Variants in PLCB1 observed in about 807,000 individuals in gnomAD.
PLCB1 encodes the protein phospholipase C beta 1.
Under a neutral mutation model 161.8 loss-of-function variants are expected in PLCB1, and 46 were observed. That is an observed-to-expected ratio of 0.28 (90% CI 0.22 to 0.36). The LOEUF (loss-of-function observed/expected upper bound fraction) is 0.36. Among genes scored for constraint, PLCB1 ranks in the 10% least tolerant of loss-of-function variants. The probability of loss-of-function intolerance (pLI) is 1.00; values close to 1 mark genes in which losing one functional copy is unlikely to be tolerated. For missense variants in PLCB1, 1,016 were observed against 1,472.5 expected, an observed-to-expected ratio of 0.69 and a Z score of 5.07; for synonymous variants, 517 against 503.7, an observed-to-expected ratio of 1.03 and a Z score of -0.35.
intron 3 of PLCB1, among the ~76,000 whole-genome samples, chr20:8,518,827 T>C (rs1722035216): frequency 6.6e-6 from 1 of 151,916 alleles, no homozygotes; most frequent in South Asian, 2.1e-4. Context: ...CCTAAGCTTG[T>C]TTTCCTGCAA....
At chr20:8,699,750 T>A (rs1990657666) in intron 11 of PLCB1, among the ~76,000 whole-genome samples, 1 of 152,216 alleles carries the variant, frequency 6.6e-6, no homozygotes, top group Non-Finnish European at 1.5e-5. Context: ...CATTCACACC[T>A]AAAAATATGT....
In PLCB1 at chr20:8,717,775, G is replaced by A; in HGVS notation, c.1440G>A (p.Lys480=). Residue 480 remains lysine (K), a synonymous_variant, in exon 14 of 32, where the codon AAG becomes AAA. Transcript: ENST00000338037. ...AGTCATCAGAAGGAAGCGGCAAAAA[G>A]AAGCTCTCAGAACAAGCCTCCAACA... is the stretch of plus-strand genomic sequence containing the variant. ...SHKSSEGSGK[K]KLSEQASNTY... 6.2e-7 allele frequency: 1 copy of A among 1,614,082 alleles called. No individual in the cohort carries two copies.
intron 6 of PLCB1, 136 bp from the exon 7 acceptor site, chr20:8,649,238 T>G: frequency 1.7e-6 from 1 of 596,022 alleles, no homozygotes; most frequent in Non-Finnish European, 3.0e-6. Context: ...CATGGAGGAA[T>G]GGTTATCTTT....
intron 2 of PLCB1, among the ~76,000 whole-genome samples, chr20:8,247,708 T>G (rs1367257254): frequency 2.6e-5 from 4 of 151,724 alleles, no homozygotes; most frequent in Non-Finnish European, 5.9e-5. Context: ...ATGCTCAATA[T>G]TTTTTTACTC....
In PLCB1 at chr20:8,150,375, A is replaced by G. The variant is rs773325890; in HGVS notation, c.177+4A>G. ...TTACTGGACAGATCAAAACAAGGTA[A>G]GAAATGAGGTATGCCTTTCTTACAT... is the stretch of plus-strand genomic sequence containing the variant. On this transcript the variant is annotated splice_donor_region_variant and intron_variant, in intron 2 of 31. Transcript: ENST00000338037. 2.8e-6 allele frequency: 4 copies of G among 1,444,628 alleles called. No homozygotes were observed. In the South Asian group the frequency reaches 4.9e-5, roughly 18 times the overall value. 89.5% of individuals were successfully genotyped at this position (1,444,628 alleles called of 1,614,324 possible).
intron 9 of PLCB1, among the ~76,000 whole-genome samples, chr20:8,669,073 A>ATAAT (rs1231277629): frequency 6.6e-6 from 1 of 152,258 alleles, no homozygotes; most frequent in Non-Finnish European, 1.5e-5. Flanking sequence ...CAAGGAGCCT[A>ATAAT]TAATTACAAG....
intron 3 of PLCB1, among the ~76,000 whole-genome samples, chr20:8,551,859 T>C (rs1985787141): frequency 6.6e-6 from 1 of 152,152 alleles, no homozygotes; most frequent in African/African-American, 2.4e-5. Flanking sequence ...AGGCTTAAAT[T>C]TTTTCTGCAA....
chr20:8,167,326 A>G (rs2051685982), intron 2 of PLCB1, among the ~76,000 whole-genome samples: 1 of 152,188 alleles, frequency 6.6e-6, no homozygotes, highest in African/African-American at 2.4e-5. Context: ...GAAATATAGT[A>G]AAAAGTGCTG....
intron 31 of PLCB1, among the ~76,000 whole-genome samples, chr20:8,840,748 A>G (rs1986471075): frequency 6.6e-6 from 1 of 152,176 alleles, no homozygotes; most frequent in Non-Finnish European, 1.5e-5. Flanking sequence ...TCATCAAGAA[A>G]AATATAATCT....
At chr20:8,831,982 C>G (rs1365159927) in intron 31 of PLCB1, among the ~76,000 whole-genome samples, 1 of 85,516 alleles carries the variant, frequency 1.2e-5, no homozygotes, top group Non-Finnish European at 2.4e-5. Flanking sequence ...TTCTTTCTTT[C>G]CTTCTTTCTT....
Position 8,854,250 on chromosome 20 carries a change from A to G in PLCB1, c.3424-27372A>G, listed in dbSNP as rs534600114. On this transcript the variant is annotated intron_variant, in intron 31 of 31. Coordinates refer to ENST00000338037, the MANE Select transcript of PLCB1 (RefSeq NM_015192.4). Reference sequence around the variant, plus strand: ...AACAGGGTGGGACTAGATCAGGCAGACAGATCTCAGAGGGCATTTTTTTTT... The same window carrying G: ...AACAGGGTGGGACTAGATCAGGCAGGCAGATCTCAGAGGGCATTTTTTTTT... Among the ~76,000 whole-genome samples the G allele has an allele frequency of 5.3e-5, 8 of 152,228 alleles. No individual in the cohort carries two copies. The South Asian group carries it at 1.5e-3, about 28-fold the overall frequency.
At position 8,348,173 on chromosome 20, in the gene PLCB1, T is replaced by C. The variant is rs112516718; in HGVS notation, c.178-23209T>C. On this transcript the variant is annotated intron_variant, in intron 2 of 31. Transcript: ENST00000338037. ...CTGGAAAAGTCTAGGAAGCAGGTCA[T>C]AGGACAATTCCAGAAAGAAGGAGAA... 6.5e-3 allele frequency among the ~76,000 whole-genome samples: 992 copies of C among 152,258 alleles called. 10 individuals carry two copies. Among genetic ancestry groups the C allele is most frequent in the Middle Eastern group, 0.041 (12 of 294 alleles).
chr20:8,842,570 G>C (rs987591431), intron 31 of PLCB1, among the ~76,000 whole-genome samples: 2 of 152,160 alleles, frequency 1.3e-5, no homozygotes, highest in South Asian at 4.1e-4. Context: ...AGTTGTAGAA[G>C]GAAAGGGCTT....
At chr20:8,226,276 G>T (rs957094011) in intron 2 of PLCB1, among the ~76,000 whole-genome samples, 7 of 152,046 alleles carry the variant, frequency 4.6e-5, no homozygotes, top group African/African-American at 1.7e-4. Context: ...CTTGGTACTT[G>T]TGCACTCCCT....
intron 3 of PLCB1, among the ~76,000 whole-genome samples, chr20:8,511,278 AT>A (rs1239030340): frequency 6.6e-6 from 1 of 152,164 alleles, no homozygotes; most frequent in Non-Finnish European, 1.5e-5. Flanking sequence ...CTCCAAGTTC[AT>A]TCATGTTGTT....
intron 3 of PLCB1, among the ~76,000 whole-genome samples, chr20:8,454,943 A>G (rs548217378): frequency 1.3e-5 from 2 of 152,146 alleles, no homozygotes; most frequent in African/African-American, 2.4e-5. Flanking sequence ...GGTCTGGTAT[A>G]CAACAGGTGA....
intron 18 of PLCB1, chr20:8,729,914 C>T (rs563064242): frequency 2.2e-4 from 33 of 151,754 alleles, no homozygotes; most frequent in Non-Finnish European, 4.1e-4. Flanking sequence ...TAAGTATTAT[C>T]GTTAAATAAT....
intron 2 of PLCB1, among the ~76,000 whole-genome samples, chr20:8,271,063 A>G (rs144975033): frequency 2.6e-5 from 4 of 152,290 alleles, no homozygotes; most frequent in East Asian, 3.9e-4. Context: ...ACATTTTTCA[A>G]CCATGGCTGT....
chr20:8,605,521 A>G (rs2123155399), intron 3 of PLCB1, among the ~76,000 whole-genome samples: 1 of 151,978 alleles, frequency 6.6e-6, no homozygotes, highest in Non-Finnish European at 1.5e-5. Context: ...TTTATACTAG[A>G]AACATCAACC....
Sources: allele counts gnomAD v4.1 joint callset (sites outside exome capture counted in the v4.1 genomes callset), GRCh38; gene constraint gnomAD v4.1.1; transcripts MANE v1.5; gene names NCBI Gene and HGNC (gene_info 2026-07-23, HGNC 2026-07-21).